The following JPT2 variants were observed in gnomAD, a reference collection of about 807,000 sequenced individuals.
JPT2 encodes Jupiter microtubule associated homolog 2.
Under a neutral mutation model 15.9 loss-of-function variants are expected in JPT2, and 9 were observed. That is an observed-to-expected ratio of 0.57 (90% CI 0.34 to 0.99). The LOEUF is 0.99. JPT2 is among the 50% of genes least tolerant of loss of function. The probability of loss-of-function intolerance (pLI) is 0.02; values close to 1 mark genes in which losing one functional copy is unlikely to be tolerated. For missense variants in JPT2, 267 were observed against 252.1 expected (o/e 1.06, Z -0.40); for synonymous variants, 95 against 91.7 (o/e 1.04, Z -0.21).
chr16:1,691,042 G>A (rs1179701926), intron 2 of JPT2, among the ~76,000 whole-genome samples: 1 of 152,198 alleles, frequency 6.6e-6, no homozygotes, highest in Non-Finnish European at 1.5e-5. Context: ...TAGATTATAA[G>A]TTCTTGGTGC....
In JPT2 at chr16:1,678,374, C is replaced by T; in HGVS notation, c.44+18C>T. 1.0e-5 allele frequency: 11 copies of T among 1,072,140 alleles called. No individual in the cohort carries two copies. Among genetic ancestry groups the T allele is most frequent in the South Asian group, 4.4e-5 (1 of 22,528 alleles). The allele number at this position is 1,072,140 out of a possible 1,614,324, so 66.4% of individuals were successfully genotyped here. On this transcript the variant is annotated intron_variant, in intron 1 of 4. Coordinates refer to ENST00000248098, the MANE Select transcript of JPT2 (RefSeq NM_144570.3). Reference sequence around the variant, plus strand: ...GGCTCCAGGTGCGGCGCGGGGCACACGGGAGGCGGGCGGATAGCGCGACCA... The same window carrying T: ...GGCTCCAGGTGCGGCGCGGGGCACATGGGAGGCGGGCGGATAGCGCGACCA...
chr16:1,687,950 C>T (rs115042012), intron 2 of JPT2, among the ~76,000 whole-genome samples: 2,857 of 152,236 alleles, frequency 0.019, 110 homozygotes, highest in African/African-American at 0.065. Context: ...TGTGTGTGAC[C>T]GACCACATCA....
Position 1,680,437 on chromosome 16 carries a change from G to A in JPT2, c.44+2081G>A, listed in dbSNP as rs896182795. 25 of 1,216,912 alleles carry A rather than the reference G, an allele frequency of 2.1e-5. No homozygotes were observed. In the African/African-American group the frequency reaches 3.9e-4, roughly 19 times the overall value. The allele number at this position is 1,216,912 out of a possible 1,614,324, so 75.4% of individuals were successfully genotyped here. On this transcript the variant is annotated intron_variant, in intron 1 of 4. Transcript: ENST00000248098. ...GGTTTCTGGACAAGGTGTTGAGAAA[G>A]GGAGAAAACTCTTCCTTTTAGGATG...
rs1225560940 is a variant in JPT2, at chr16:1,699,170, C to T, written c.*172C>T. 2.7e-6 allele frequency: 2 copies of T among 741,486 alleles called. No individual in the cohort carries two copies. Among genetic ancestry groups the T allele is most frequent in the Non-Finnish European group, 4.7e-6 (2 of 421,122 alleles). 45.9% of individuals were successfully genotyped at this position (741,486 alleles called of 1,614,324 possible). On this transcript the variant is annotated 3_prime_UTR_variant, in exon 5 of 5. Transcript: ENST00000248098. ...ACAGCTGCTTGGAGACCCGTGCCTT[C>T]CAGATGGCTGGGAGATGCCTCTGTG...
At position 1,700,928 on chromosome 16, in the gene JPT2, C is replaced by T. The variant is rs2037176338; in HGVS notation, c.*1930C>T. 7 of 152,144 alleles carry T rather than the reference C, an allele frequency of 4.6e-5. No individual in the cohort carries two copies. Among genetic ancestry groups the T allele is most frequent in the Admixed American group, 4.6e-4 (7 of 15,266 alleles). The allele number at this position is 152,144 out of a possible 1,614,324, so 9.4% of individuals were successfully genotyped here. A position where few individuals can be genotyped will look rare whatever the true frequency, so the allele number is the denominator to read the frequency against. ...GGGACTTCTGGGTTATGGGAGAAACCAGAGATGGGAATGAGGAAAATATGA... is the reference window on the plus strand; with the variant it reads ...GGGACTTCTGGGTTATGGGAGAAACTAGAGATGGGAATGAGGAAAATATGA... On this transcript the variant is annotated 3_prime_UTR_variant, in exon 5 of 5. Coordinates refer to ENST00000248098, the MANE Select transcript of JPT2 (RefSeq NM_144570.3).
At chr16:1,694,186 C>G (rs928872390) in intron 3 of JPT2, among the ~76,000 whole-genome samples, 1 of 152,140 alleles carries the variant, frequency 6.6e-6, no homozygotes, top group African/African-American at 2.4e-5. Context: ...GTACTGAAAT[C>G]GTGGATCTGA....
At chr16:1,683,360 C>T (rs2037039584) in intron 1 of JPT2, 1 of 604,464 alleles carries the variant, frequency 1.7e-6, no homozygotes, top group South Asian at 2.0e-5. Context: ...GTCCTCCCAC[C>T]TCGGCCTCCC....
At chr16:1,695,115 C>G (rs2037131658) in intron 3 of JPT2, among the ~76,000 whole-genome samples, 1 of 152,032 alleles carries the variant, frequency 6.6e-6, no homozygotes, top group Non-Finnish European at 1.5e-5. Context: ...TTTTTTTTAA[C>G]TAGCTGGGGG....
intron 1 of JPT2, chr16:1,680,501 A>G: frequency 1.6e-6 from 2 of 1,248,874 alleles, no homozygotes; most frequent in Non-Finnish European, 2.1e-6. Flanking sequence ...ATGATGAGGT[A>G]TCACTGGAAG....
In JPT2 at chr16:1,699,813, A is replaced by G; in HGVS notation, c.*815A>G. The G allele has an allele frequency of 4.0e-6, 1 of 252,730 alleles. No individual in the cohort carries two copies. The highest frequency in any genetic ancestry group is 4.6e-5 in the South Asian group (1 of 21,874). The allele number at this position is 252,730 out of a possible 1,614,324, so 15.7% of individuals were successfully genotyped here. ...AGTGATGTAGACAGTTCCCTTCACA[A>G]GTCACAGTTCTTCCCATAAATGAGG... On this transcript the variant is annotated 3_prime_UTR_variant, in exon 5 of 5. Transcript: ENST00000248098.
Position 1,685,546 on chromosome 16 carries a change from C to G in JPT2, c.152C>G (p.Thr51Arg). The G allele has an allele frequency of 6.2e-7, 1 of 1,614,192 alleles. No homozygotes were observed. Among genetic ancestry groups the G allele is most frequent in the South Asian group, 1.1e-5 (1 of 91,086 alleles). Reference protein sequence around the residue: ...NRMASNIFGPTEEPQNIPKRT... With the variant: ...NRMASNIFGPREEPQNIPKRT... ...ATGGCATCTAATATTTTTGGACCAA[C>G]AGAAGAACCTCAGAACATACCCAAG... is the stretch of plus-strand genomic sequence containing the variant. Residue 51 changes from threonine (T) to arginine (R), a missense_variant, in exon 2 of 5, where the codon ACA becomes AGA. Physicochemically the swap from Thr to Arg is moderately conservative, Grantham distance 71. Coordinates refer to ENST00000248098, the MANE Select transcript of JPT2 (RefSeq NM_144570.3).
rs780435504 is a variant in JPT2 at position 1,691,832 on chromosome 16, C to T, written c.194-11C>T. 6.8e-6 allele frequency: 11 copies of T among 1,611,302 alleles called. No homozygotes were observed. Among genetic ancestry groups the T allele is most frequent in the Non-Finnish European group, 9.3e-6 (11 of 1,178,940 alleles). On this transcript the variant is annotated splice_polypyrimidine_tract_variant and intron_variant, in intron 2 of 4. Transcript: ENST00000248098. ...GTCTGGTTGCTCAGTGTTCTGTGATCGTTTCTGCAGGGGGTAAAGGAAGTG... is the reference window on the plus strand; with the variant it reads ...GTCTGGTTGCTCAGTGTTCTGTGATTGTTTCTGCAGGGGGTAAAGGAAGTG...
Position 1,685,595 on chromosome 16 carries a change from C to T in JPT2, c.193+8C>T. ...AGAGGACAAATCCCCCAGGTATGGG[C>T]CTTTGGAAATCCTTAATCCTTTGGC... On this transcript the variant is annotated splice_region_variant and intron_variant, in intron 2 of 4. Coordinates refer to ENST00000248098, the MANE Select transcript of JPT2 (RefSeq NM_144570.3). 6.2e-7 allele frequency: 1 copy of T among 1,609,714 alleles called. No individual in the cohort carries two copies. The highest frequency in any genetic ancestry group is 8.5e-7 in the Non-Finnish European group (1 of 1,178,738).
rs555059527 is a variant in JPT2, at chr16:1,688,161, C to T, written c.193+2574C>T. Among the ~76,000 whole-genome samples, 9 of 152,306 alleles carry T rather than the reference C, an allele frequency of 5.9e-5. No individual in the cohort carries two copies. The South Asian group carries it at 8.3e-4, about 14-fold the overall frequency. ...GCATGTGTATTTTTCATTTGGTGTT[C>T]GCTATAACTAGGAGTAGGTTGTTTT... On this transcript the variant is annotated intron_variant, in intron 2 of 4. Transcript: ENST00000248098.
Position 1,685,499 on chromosome 16 carries a change from T to C in JPT2, c.105T>C (p.Thr35=). ...SNLFGSPEEA[T]PSSRPNRMAS... ...TTTTTGGAAGTCCAGAAGAAGCTACTCCTTCCAGCAGGCCTAATAGGATGG... is the reference window on the plus strand; with the variant it reads ...TTTTTGGAAGTCCAGAAGAAGCTACCCCTTCCAGCAGGCCTAATAGGATGG... The change falls in exon 2 of 5, where the codon ACT becomes ACC. Residue 35 remains threonine (T), a synonymous_variant. Transcript: ENST00000248098. The C allele has an allele frequency of 1.9e-6, 3 of 1,614,128 alleles. No homozygotes were observed. The highest frequency in any genetic ancestry group is 2.5e-6 in the Non-Finnish European group (3 of 1,180,012).
intron 3 of JPT2, among the ~76,000 whole-genome samples, chr16:1,696,192 G>A (rs576110807): frequency 6.6e-6 from 1 of 151,672 alleles, no homozygotes; most frequent in South Asian, 2.1e-4. Flanking sequence ...CTGCGCCATT[G>A]CACTCCAACC....
At chr16:1,695,542 C>A (rs1294952390) in intron 3 of JPT2, among the ~76,000 whole-genome samples, 1 of 151,886 alleles carries the variant, frequency 6.6e-6, no homozygotes, top group East Asian at 1.9e-4. Flanking sequence ...ATTTGCACTC[C>A]AGCCTGGGTG....
In JPT2 at chr16:1,700,348, T is replaced by A; in HGVS notation, c.*1350T>A. On this transcript the variant is annotated 3_prime_UTR_variant, in exon 5 of 5. Transcript: ENST00000248098. The stretch of plus-strand genomic sequence containing the variant: ...TCCCCCTCAAGGGCTGCAGGCCCAG[T>A]TCTCATGCTGCCCTTGGGTGGGCAT... The A allele has an allele frequency of 3.1e-6, 1 of 320,186 alleles. No individual in the cohort carries two copies. The highest frequency in any genetic ancestry group is 2.4e-5 in the South Asian group (1 of 41,746). 19.8% of individuals were successfully genotyped at this position (320,186 alleles called of 1,614,324 possible). A position where few individuals can be genotyped will look rare whatever the true frequency, so the allele number is the denominator to read the frequency against.
chr16:1,679,711 C>A (rs7204903), intron 1 of JPT2, among the ~76,000 whole-genome samples: 1 of 143,590 alleles, frequency 7.0e-6, no homozygotes. Context: ...AAAAAAAAAA[C>A]CCTTTAGATT....
Sources: gnomAD v4.1 joint callset for allele counts (sites outside exome capture counted in the v4.1 genomes callset) on GRCh38, gnomAD v4.1.1 for gene constraint, MANE v1.5 for transcripts, NCBI Gene and HGNC (gene_info 2026-07-23, HGNC 2026-07-21) for gene names.